Variants in NEO1 observed in about 807,000 individuals in gnomAD.
The protein encoded by NEO1 is neogenin.
A neutral mutation model predicts 159.7 loss-of-function variants in NEO1; 63 were observed. The ratio of observed to expected loss-of-function variants is 0.39; its 90% confidence interval spans 0.32 to 0.49. The LOEUF (loss-of-function observed/expected upper bound fraction) is 0.49, where lower values mean the gene tolerates loss of function less well. Among genes scored for constraint, NEO1 ranks in the 20% least tolerant of loss-of-function variants. The probability of loss-of-function intolerance (pLI) is 0.85; values close to 1 mark genes in which losing one functional copy is unlikely to be tolerated. For synonymous variants in NEO1, 633 were observed against 662.0 expected (o/e 0.96, Z 0.67); for missense variants, 1,615 against 1,831.0 (o/e 0.88, Z 2.15).
At chr15:73,142,906 A>G (rs1019395291) in intron 5 of NEO1, among the ~76,000 whole-genome samples, 1 of 152,246 alleles carries the variant, frequency 6.6e-6, no homozygotes, top group South Asian at 2.1e-4. Context: ...TTGTTCTGTT[A>G]ATATTTGACC....
intron 7 of NEO1, among the ~76,000 whole-genome samples, chr15:73,184,356 T>C (rs2151982130): frequency 6.6e-6 from 1 of 152,112 alleles, no homozygotes; most frequent in African/African-American, 2.4e-5. Context: ...GGGTTTCATA[T>C]ATACCTTTAT....
At chr15:73,144,660 A>G (rs1246200701) in intron 5 of NEO1, among the ~76,000 whole-genome samples, 2 of 152,196 alleles carry the variant, frequency 1.3e-5, no homozygotes, top group East Asian at 3.8e-4. Context: ...TACATACAGT[A>G]ATGCCCAGAT....
intron 1 of NEO1, among the ~76,000 whole-genome samples, chr15:73,079,499 A>G (rs1425468275): frequency 3.9e-5 from 6 of 152,222 alleles, no homozygotes; most frequent in African/African-American, 1.4e-4. Flanking sequence ...TCAATCAAAT[A>G]GGCCAGTGGG....
At chr15:73,154,464 G>A (rs2033627451) in intron 5 of NEO1, among the ~76,000 whole-genome samples, 1 of 151,892 alleles carries the variant, frequency 6.6e-6, no homozygotes, top group Non-Finnish European at 1.5e-5. Flanking sequence ...TTATATTTTT[G>A]TGCTCATTAA....
intron 5 of NEO1, among the ~76,000 whole-genome samples, chr15:73,140,967 G>A (rs143660286): frequency 6.6e-6 from 1 of 152,154 alleles, no homozygotes; most frequent in Non-Finnish European, 1.5e-5. Flanking sequence ...GGGCAGAATC[G>A]TTACCGAATG....
At chr15:73,157,644 C>A (rs2033877814) in intron 5 of NEO1, among the ~76,000 whole-genome samples, 1 of 152,162 alleles carries the variant, frequency 6.6e-6, no homozygotes, top group South Asian at 2.1e-4. Flanking sequence ...GTTGAAGTTT[C>A]CTTTTGCTTT....
At chr15:73,223,237 G>A (rs2038388350) in intron 7 of NEO1, among the ~76,000 whole-genome samples, 1 of 152,140 alleles carries the variant, frequency 6.6e-6, no homozygotes, top group Non-Finnish European at 1.5e-5. Context: ...ATGCCCTGTT[G>A]AATAGAATGT....
At chr15:73,270,854 TAAAA>T (rs2041133649) in intron 18 of NEO1, among the ~76,000 whole-genome samples, 2 of 152,224 alleles carry the variant, frequency 1.3e-5, no homozygotes, top group Non-Finnish European at 2.9e-5. Context: ...TAGCGTCTTA[TAAAA>T]TCTTCCACTG....
intron 7 of NEO1, among the ~76,000 whole-genome samples, chr15:73,190,159 G>A (rs1260833038): frequency 6.6e-6 from 1 of 152,158 alleles, no homozygotes; most frequent in Non-Finnish European, 1.5e-5. Flanking sequence ...TCAATTAAGA[G>A]TAGTAGGAAT....
chr15:73,221,489 G>A (rs1023937951), intron 7 of NEO1, among the ~76,000 whole-genome samples: 6 of 152,234 alleles, frequency 3.9e-5, no homozygotes, highest in Non-Finnish European at 7.3e-5. Context: ...AGTCTGCAGA[G>A]GTTACTGCTG....
Position 73,052,811 on chromosome 15 carries a change from C to A in NEO1, c.130+6C>A, listed in dbSNP as rs1194270690. ...CTCCGCGCCGCAGTCCCCAGGTAAG[C>A]GGCGGGCGCGGGCCCGGGGGTTCGC... On this transcript the variant is annotated splice_donor_region_variant and intron_variant, in intron 1 of 28. Transcript: ENST00000261908. 3.0e-5 allele frequency: 27 copies of A among 894,304 alleles called. No individual in the cohort carries two copies. The highest frequency in any genetic ancestry group is 3.6e-5 in the Non-Finnish European group (26 of 729,100). The allele number at this position is 894,304 out of a possible 1,614,324, so 55.4% of individuals were successfully genotyped here. A position where few individuals can be genotyped will look rare whatever the true frequency, so the allele number is the denominator to read the frequency against.
intron 26 of NEO1, among the ~76,000 whole-genome samples, chr15:73,294,634 G>A (rs2042286266): frequency 6.6e-6 from 1 of 152,024 alleles, no homozygotes; most frequent in Non-Finnish European, 1.5e-5. Flanking sequence ...CCACCTCCTG[G>A]GTTCAAGCGA....
chr15:73,060,546 A>T (rs2067927623), intron 1 of NEO1, among the ~76,000 whole-genome samples: 1 of 151,960 alleles, frequency 6.6e-6, no homozygotes, highest in South Asian at 2.1e-4. Flanking sequence ...GGGATTACAG[A>T]CGTGAGCCAC....
At chr15:73,109,608 G>C (rs548972744) in intron 1 of NEO1, among the ~76,000 whole-genome samples, 36 of 152,064 alleles carry the variant, frequency 2.4e-4, no homozygotes, top group African/African-American at 8.4e-4. Context: ...GGTAGTGGCT[G>C]TAAATTAGAA....
chr15:73,064,736 G>T (rs545645544), intron 1 of NEO1, among the ~76,000 whole-genome samples: 2 of 152,138 alleles, frequency 1.3e-5, no homozygotes, highest in East Asian at 3.9e-4. Context: ...CAAAGTGCTG[G>T]GATTACAGAT....
chr15:73,106,526 A>G (rs980726795), intron 1 of NEO1, among the ~76,000 whole-genome samples: 7 of 152,184 alleles, frequency 4.6e-5, no homozygotes, highest in South Asian at 2.1e-4. Flanking sequence ...TGTATTTTAT[A>G]TTACTTAAAA....
intron 26 of NEO1, among the ~76,000 whole-genome samples, chr15:73,294,044 T>C (rs1320938460): frequency 6.6e-6 from 1 of 152,182 alleles, no homozygotes; most frequent in Non-Finnish European, 1.5e-5. Flanking sequence ...GTTGTGTGTA[T>C]TGTAAACCAC....
chr15:73,203,623 A>G (rs1317378267), intron 7 of NEO1, among the ~76,000 whole-genome samples: 1 of 152,062 alleles, frequency 6.6e-6, no homozygotes, highest in South Asian at 2.1e-4. Flanking sequence ...TTTTGATTAT[A>G]CTTATTTTAA....
intron 9 of NEO1, among the ~76,000 whole-genome samples, chr15:73,244,976 A>AAAAAAAAAAAAAAAAAAAAAAAAAAG (rs2039699361): frequency 6.8e-6 from 1 of 148,084 alleles, no homozygotes; most frequent in Non-Finnish European, 1.5e-5. Context: ...AAAAAAAAAA[A>AAAAAAAAAAAAAAAAAAAAAAAAAAG]AAAAAAACAA....
Sources: allele counts gnomAD v4.1 joint callset (sites outside exome capture counted in the v4.1 genomes callset), GRCh38; gene constraint gnomAD v4.1.1; transcripts MANE v1.5; gene names NCBI Gene and HGNC (gene_info 2026-07-23, HGNC 2026-07-21).